PLEKHA3: variants seen among roughly 807,000 people sequenced by gnomAD.
The protein encoded by PLEKHA3 is pleckstrin homology domain-containing family A member 3.
A neutral mutation model predicts 39.2 loss-of-function variants in PLEKHA3; 19 were observed. That is an observed-to-expected ratio of 0.48 (90% CI 0.34 to 0.71). The LOEUF is 0.71. Ranked by LOEUF, PLEKHA3 falls within the 30% of genes least tolerant of loss-of-function variation. The pLI, the probability that PLEKHA3 is intolerant of heterozygous loss-of-function variation, is 0.01. For missense variants in PLEKHA3, 253 were observed against 359.5 expected, an observed-to-expected ratio of 0.70 and a Z score of 2.40; for synonymous variants, 97 against 118.6, an observed-to-expected ratio of 0.82 and a Z score of 1.18.
rs954035616 is a variant in PLEKHA3, at chr2:178,513,940, G to A, written c.*10053G>A. On this transcript the variant is annotated 3_prime_UTR_variant, in exon 8 of 8. Coordinates refer to ENST00000234453, the MANE Select transcript of PLEKHA3 (RefSeq NM_019091.4). ...ATTTCTGTTTATGCCCTATTCCAGT[G>A]GTATTTGTGGTCGCTAGGGGTTGCT... 2 of 152,108 alleles carry A rather than the reference G, an allele frequency of 1.3e-5. No homozygotes were observed. Among genetic ancestry groups the A allele is most frequent in the African/African-American group, 4.8e-5 (2 of 41,416 alleles). The allele number at this position is 152,108 out of a possible 1,614,324, so 9.4% of individuals were successfully genotyped here.
Position 178,509,215 on chromosome 2 carries a change from T to C in PLEKHA3, c.*5328T>C, listed in dbSNP as rs1040633529. The C allele has an allele frequency of 1.3e-5, 2 of 152,178 alleles. No homozygotes were observed. The highest frequency in any genetic ancestry group is 2.4e-5 in the African/African-American group (1 of 41,444). The allele number at this position is 152,178 out of a possible 1,614,324, so 9.4% of individuals were successfully genotyped here. A position where few individuals can be genotyped will look rare whatever the true frequency, so the allele number is the denominator to read the frequency against. On this transcript the variant is annotated 3_prime_UTR_variant, in exon 8 of 8. Coordinates refer to ENST00000234453, the MANE Select transcript of PLEKHA3 (RefSeq NM_019091.4). Reference sequence around the variant, plus strand: ...TGGAGGTAGAGGAAATAAATTCATGTGGTTGGTTTGTATGTTTCACTGAAA... The same window carrying C: ...TGGAGGTAGAGGAAATAAATTCATGCGGTTGGTTTGTATGTTTCACTGAAA...
In PLEKHA3 at chr2:178,513,448, C is replaced by T. The variant is rs542921944; in HGVS notation, c.*9561C>T. 2.0e-5 allele frequency: 3 copies of T among 152,166 alleles called. No homozygotes were observed. Among genetic ancestry groups the T allele is most frequent in the East Asian group, 1.9e-4 (1 of 5,178 alleles). 9.4% of individuals were successfully genotyped at this position (152,166 alleles called of 1,614,324 possible). ...CTGGACAGGCATTTTCTTTTTAATT[C>T]CTCTATGCAAGGAACTGTGGATTGC... is the stretch of plus-strand genomic sequence containing the variant. On this transcript the variant is annotated 3_prime_UTR_variant, in exon 8 of 8. Coordinates refer to ENST00000234453, the MANE Select transcript of PLEKHA3 (RefSeq NM_019091.4).
intron 2 of PLEKHA3, 124 bp from the exon 3 acceptor site, chr2:178,490,535 C>G: frequency 9.9e-7 from 1 of 1,009,384 alleles, no homozygotes; most frequent in Non-Finnish European, 1.4e-6. Flanking sequence ...CTGCCTGCAT[C>G]ATGAATGATA....
chr2:178,487,652 C>T (rs537575037), intron 2 of PLEKHA3, among the ~76,000 whole-genome samples: 76 of 152,166 alleles, frequency 5.0e-4, no homozygotes, highest in Non-Finnish European at 7.5e-4. Flanking sequence ...TTGCAAAAAC[C>T]AGGCTGGTCT....
At chr2:178,489,238 C>G (rs952645650) in intron 2 of PLEKHA3, among the ~76,000 whole-genome samples, 1 of 152,142 alleles carries the variant, frequency 6.6e-6, no homozygotes. Context: ...GTTTCAGTGT[C>G]TGCAACTAAG....
rs943461015 is a variant in PLEKHA3 at position 178,505,735 on chromosome 2, A to C, written c.*1848A>C. 1 of 151,952 alleles carries C rather than the reference A, an allele frequency of 6.6e-6. No homozygotes were observed. The highest frequency in any genetic ancestry group is 1.5e-5 in the Non-Finnish European group (1 of 67,894). The allele number at this position is 151,952 out of a possible 1,614,324, so 9.4% of individuals were successfully genotyped here. ...TAGAAAATAATCACATCCATTTTCT[A>C]TTGCTTTACCCAAATAGATGGGTTC... On this transcript the variant is annotated 3_prime_UTR_variant, in exon 8 of 8. Transcript: ENST00000234453.
intron 7 of PLEKHA3, among the ~76,000 whole-genome samples, chr2:178,503,343 A>G (rs1034761838): frequency 3.3e-5 from 5 of 152,060 alleles, no homozygotes; most frequent in Non-Finnish European, 2.9e-5. Flanking sequence ...GATCTTGGGT[A>G]AGGCATGTAT....
intron 2 of PLEKHA3, chr2:178,488,889 T>C: frequency 2.5e-6 from 1 of 394,324 alleles, no homozygotes; most frequent in Non-Finnish European, 5.1e-6. Flanking sequence ...AGTAATGTTT[T>C]GTAGTTTTGT....
rs1202706914 is a variant in PLEKHA3, at chr2:178,510,040, A to G, written c.*6153A>G. On this transcript the variant is annotated 3_prime_UTR_variant, in exon 8 of 8. Coordinates refer to ENST00000234453, the MANE Select transcript of PLEKHA3 (RefSeq NM_019091.4). ...CAGGTGCTCGCCACCATGCCCAGCT[A>G]ATTTTTGTATTTTTAATAGAGATGG... 5 of 152,130 alleles carry G rather than the reference A, an allele frequency of 3.3e-5. No homozygotes were observed. The highest frequency in any genetic ancestry group is 3.9e-4 in the East Asian group (2 of 5,166). The allele number at this position is 152,130 out of a possible 1,614,324, so 9.4% of individuals were successfully genotyped here.
chr2:178,514,004 A>G lies in PLEKHA3; in HGVS notation c.*10117A>G, dbSNP rs1685725133. On this transcript the variant is annotated 3_prime_UTR_variant, in exon 8 of 8. Coordinates refer to ENST00000234453, the MANE Select transcript of PLEKHA3 (RefSeq NM_019091.4). ...GATTCAGCATGCCTTCAGAATTGGC[A>G]TCCTCGGGTGATTGTCCATAGCCTC... 6.6e-6 allele frequency: 1 copy of G among 152,130 alleles called. No individual in the cohort carries two copies. Among genetic ancestry groups the G allele is most frequent in the Non-Finnish European group, 1.5e-5 (1 of 68,030 alleles). 9.4% of individuals were successfully genotyped at this position (152,130 alleles called of 1,614,324 possible). A position where few individuals can be genotyped will look rare whatever the true frequency, so the allele number is the denominator to read the frequency against.
intron 2 of PLEKHA3, among the ~76,000 whole-genome samples, chr2:178,487,641 G>A (rs1286704049): frequency 6.6e-6 from 1 of 152,064 alleles, no homozygotes; most frequent in African/African-American, 2.4e-5. Context: ...ATTTCACCGT[G>A]TTGCAAAAAC....
chr2:178,509,455 CATTATT>C lies in PLEKHA3; in HGVS notation c.*5576_*5581del, dbSNP rs58482353. 1 of 150,578 alleles carries C rather than the reference CATTATT, an allele frequency of 6.6e-6. No homozygotes were observed. The highest frequency in any genetic ancestry group is 2.4e-5 in the African/African-American group (1 of 41,104). 9.3% of individuals were successfully genotyped at this position (150,578 alleles called of 1,614,324 possible). On this transcript the variant is annotated 3_prime_UTR_variant, in exon 8 of 8. Transcript: ENST00000234453. ...GTTAGTTATTAATATTGTTTACTATCATTATTATTATTACTACTATCAGTTTTTTTT... is the reference window on the plus strand; with the variant it reads ...GTTAGTTATTAATATTGTTTACTATCATTATTACTACTATCAGTTTTTTTT...
rs949486714 is a variant in PLEKHA3 at position 178,515,284 on chromosome 2, T to C, written c.*11397T>C. 1.3e-5 allele frequency: 2 copies of C among 152,228 alleles called. No homozygotes were observed. The highest frequency in any genetic ancestry group is 1.9e-4 in the East Asian group (1 of 5,174). The allele number at this position is 152,228 out of a possible 1,614,324, so 9.4% of individuals were successfully genotyped here. On this transcript the variant is annotated 3_prime_UTR_variant, in exon 8 of 8. Transcript: ENST00000234453. The stretch of plus-strand genomic sequence containing the variant: ...CTCTGGTTTTCAGAATTCTGTGTAG[T>C]TTCTCAACATTTCCTTTCTACCTGT...
chr2:178,491,050 G>T (rs1282674954), intron 3 of PLEKHA3, among the ~76,000 whole-genome samples: 8 of 123,966 alleles, frequency 6.5e-5, no homozygotes, highest in Admixed American at 4.9e-4. Flanking sequence ...TCACTCTGTT[G>T]CCCAGGCTGG....
At chr2:178,489,124 G>T in intron 2 of PLEKHA3, 1 of 315,534 alleles carries the variant, frequency 3.2e-6, no homozygotes. Flanking sequence ...CACTAGTATT[G>T]GCAAGTAGCA....
chr2:178,502,511 C>G (rs1685540774), intron 7 of PLEKHA3: 1 of 219,250 alleles, frequency 4.6e-6, no homozygotes, highest in Admixed American at 5.8e-5. Flanking sequence ...TCTCTTTATT[C>G]TTTATGCCTT....
intron 1 of PLEKHA3, among the ~76,000 whole-genome samples, chr2:178,481,368 C>A (rs1458665629): frequency 2.6e-5 from 4 of 151,986 alleles, no homozygotes; most frequent in African/African-American, 9.7e-5. Flanking sequence ...TTATTTAAAA[C>A]GTTGTCTTGT....
Position 178,500,939 on chromosome 2 carries a change from CG to C in PLEKHA3, c.660-119del, listed in dbSNP as rs146270228. On this transcript the variant is annotated intron_variant, in intron 6 of 7. Transcript: ENST00000234453. Reference sequence around the variant, plus strand: ...ACTTCTGAGTAGAATGTTGCTAACACGGGACGTTGAGCATAAAAATAATTCT... The same window carrying C: ...ACTTCTGAGTAGAATGTTGCTAACACGGACGTTGAGCATAAAAATAATTCT... The C allele has an allele frequency of 2.4e-3, 1,616 of 675,434 alleles. 20 individuals carry two copies. The African/African-American group carries it at 0.026, about 11-fold the overall frequency. The allele number at this position is 675,434 out of a possible 1,614,324, so 41.8% of individuals were successfully genotyped here. A position where few individuals can be genotyped will look rare whatever the true frequency, so the allele number is the denominator to read the frequency against.
rs1379003675 is a variant in PLEKHA3 at position 178,495,766 on chromosome 2, C to CG, written c.615+110dup. On this transcript the variant is annotated intron_variant, in intron 5 of 7. Transcript: ENST00000234453. ...AGGGTGGAAGCAGGCAGTTGGGGGG[C>CG]GGGGAACAGCTAACAAGTTGAATTT... 18 of 1,209,856 alleles carry CG rather than the reference C, an allele frequency of 1.5e-5. No homozygotes were observed. The African/African-American group carries it at 2.5e-4, about 17-fold the overall frequency. The allele number at this position is 1,209,856 out of a possible 1,614,324, so 74.9% of individuals were successfully genotyped here.
Sources: gnomAD v4.1 joint callset for allele counts (sites outside exome capture counted in the v4.1 genomes callset) on GRCh38, gnomAD v4.1.1 for gene constraint, MANE v1.5 for transcripts, NCBI Gene and HGNC (gene_info 2026-07-23, HGNC 2026-07-21) for gene names.